The following CDH13 variants were observed in gnomAD, a reference collection of about 807,000 sequenced individuals.
CDH13 encodes cadherin-13.
A neutral mutation model predicts 63.8 loss-of-function variants in CDH13; 24 were observed. The ratio of observed to expected loss-of-function variants is 0.38; its 90% CI spans 0.27 to 0.53. CDH13 has a LOEUF of 0.53. CDH13 is among the 20% of genes least tolerant of loss of function. The probability of loss-of-function intolerance (pLI) is 0.85; values close to 1 mark genes in which losing one functional copy is unlikely to be tolerated. For missense variants in CDH13, 1,049 were observed against 903.1 expected (o/e 1.16, Z -2.07); for synonymous variants, 503 against 355.3 (o/e 1.42, Z -4.67).
chr16:83,731,450 G>A (rs766762032), intron 10 of CDH13, among the ~76,000 whole-genome samples: 4 of 152,104 alleles, frequency 2.6e-5, no homozygotes, highest in African/African-American at 4.8e-5. Flanking sequence ...TTTGTTGACC[G>A]CACGTATGTG....
intron 11 of CDH13, among the ~76,000 whole-genome samples, chr16:83,751,633 A>G (rs921595187): frequency 2.0e-5 from 3 of 152,242 alleles, no homozygotes; most frequent in Non-Finnish European, 4.4e-5. Flanking sequence ...TAAATGTGTT[A>G]GAAACCATAG....
intron 7 of CDH13, among the ~76,000 whole-genome samples, chr16:83,528,744 C>A (rs144507764): frequency 3.1e-4 from 47 of 152,308 alleles, no homozygotes; most frequent in African/African-American, 1.1e-3. Flanking sequence ...AAAGAGTTAT[C>A]ATGCTGAACA....
chr16:82,990,139 C>T (rs149467960), intron 2 of CDH13: 1 of 152,112 alleles, frequency 6.6e-6, no homozygotes, highest in African/African-American at 2.4e-5. Context: ...TATCTGTGTT[C>T]CAACCCCAAT....
At chr16:83,267,288 A>G (rs1907740600) in intron 5 of CDH13, among the ~76,000 whole-genome samples, 1 of 152,112 alleles carries the variant, frequency 6.6e-6, no homozygotes, top group African/African-American at 2.4e-5. Flanking sequence ...AGCATCAGGG[A>G]TTGGGTTCTC....
chr16:83,345,584 T>C (rs1348883310), intron 6 of CDH13, among the ~76,000 whole-genome samples: 1 of 152,172 alleles, frequency 6.6e-6, no homozygotes, highest in African/African-American at 2.4e-5. Context: ...ACTATAGAGC[T>C]CCCGCTGTCT....
intron 4 of CDH13, among the ~76,000 whole-genome samples, chr16:83,163,591 T>G (rs964889355): frequency 6.6e-6 from 1 of 152,118 alleles, no homozygotes; most frequent in African/African-American, 2.4e-5. Context: ...TGTTTTCTAT[T>G]GCCTTTGCAG....
intron 7 of CDH13, among the ~76,000 whole-genome samples, chr16:83,565,676 C>T (rs1407697924): frequency 1.3e-5 from 2 of 152,160 alleles, no homozygotes; most frequent in African/African-American, 4.8e-5. Flanking sequence ...GGGCATTCTC[C>T]TTTCTCTTCC....
intron 3 of CDH13, among the ~76,000 whole-genome samples, chr16:83,044,618 A>G (rs1917612277): frequency 6.6e-6 from 1 of 152,220 alleles, no homozygotes; most frequent in Non-Finnish European, 1.5e-5. Flanking sequence ...TATATTTTTA[A>G]AACTATAATT....
chr16:82,804,542 G>A (rs1428140832), intron 1 of CDH13, among the ~76,000 whole-genome samples: 1 of 152,006 alleles, frequency 6.6e-6, no homozygotes, highest in Admixed American at 6.6e-5. Flanking sequence ...TCATGGATTC[G>A]GATCCTAGTT....
At chr16:83,443,761 T>A (rs1167279061) in intron 6 of CDH13, among the ~76,000 whole-genome samples, 1 of 126,304 alleles carries the variant, frequency 7.9e-6, no homozygotes, top group African/African-American at 3.1e-5. Context: ...TATATATATA[T>A]ATGGAGAGAA....
rs145872420 is a variant in CDH13, at chr16:82,939,774, C to T, written c.157+81301C>T. Among the ~76,000 whole-genome samples, 418 of 152,284 alleles carry T rather than the reference C, an allele frequency of 2.7e-3. 5 individuals are homozygous for T. The highest frequency in any genetic ancestry group is 9.8e-3 in the African/African-American group (407 of 41,552). On this transcript the variant is annotated intron_variant, in intron 2 of 13. Coordinates refer to ENST00000567109, the MANE Select transcript of CDH13 (RefSeq NM_001257.5). Reference sequence around the variant, plus strand: ...ATCTCTGGATTTTTTAAACCCATTTCTCTAATGCTGCTTATAATATTGTTG... The same window carrying T: ...ATCTCTGGATTTTTTAAACCCATTTTTCTAATGCTGCTTATAATATTGTTG...
intron 1 of CDH13, among the ~76,000 whole-genome samples, chr16:82,651,930 A>C (rs771641150): frequency 6.6e-6 from 1 of 152,232 alleles, no homozygotes; most frequent in Admixed American, 6.5e-5. Flanking sequence ...AGGGAAGATA[A>C]GACATGACTG....
chr16:83,477,104 A>G (rs1459196411), intron 6 of CDH13, among the ~76,000 whole-genome samples: 1 of 152,258 alleles, frequency 6.6e-6, no homozygotes, highest in Non-Finnish European at 1.5e-5. Flanking sequence ...ATTAAAGAAT[A>G]GCTTACCAGA....
At chr16:83,351,246 A>G (rs376077301) in intron 6 of CDH13, among the ~76,000 whole-genome samples, 6 of 143,312 alleles carry the variant, frequency 4.2e-5, no homozygotes, top group African/African-American at 1.5e-4. Context: ...AACCAATCCT[A>G]TGTGTTTCTG....
intron 6 of CDH13, among the ~76,000 whole-genome samples, chr16:83,350,457 C>A (rs956585198): frequency 1.3e-5 from 2 of 152,230 alleles, no homozygotes; most frequent in Non-Finnish European, 2.9e-5. Context: ...CTTCTTGAGG[C>A]TGTTGAAGAC....
At chr16:82,803,393 T>C (rs992821008) in intron 1 of CDH13, among the ~76,000 whole-genome samples, 7 of 152,240 alleles carry the variant, frequency 4.6e-5, no homozygotes, top group African/African-American at 1.4e-4. Context: ...CCCAAGTTAC[T>C]GACTTTCTTA....
At chr16:83,707,646 C>T (rs1410016692) in intron 10 of CDH13, among the ~76,000 whole-genome samples, 10 of 152,000 alleles carry the variant, frequency 6.6e-5, no homozygotes, top group African/African-American at 2.4e-4. Context: ...AGACAGAGAT[C>T]AGCTCTTAGA....
intron 2 of CDH13, among the ~76,000 whole-genome samples, chr16:82,939,859 G>T (rs746911452): frequency 6.6e-6 from 1 of 151,900 alleles, no homozygotes; most frequent in Non-Finnish European, 1.5e-5. Flanking sequence ...AGGTATATTC[G>T]CACGTTTTCA....
intron 5 of CDH13, among the ~76,000 whole-genome samples, chr16:83,283,006 A>G (rs924448240): frequency 6.6e-6 from 1 of 152,158 alleles, no homozygotes; most frequent in Non-Finnish European, 1.5e-5. Flanking sequence ...TTCACTCCTT[A>G]TTTATAGCAT....
Sources: allele counts gnomAD v4.1 joint callset (sites outside exome capture counted in the v4.1 genomes callset), GRCh38; gene constraint gnomAD v4.1.1; transcripts MANE v1.5; gene names NCBI Gene and HGNC (gene_info 2026-07-23, HGNC 2026-07-21).